GRIN2B: variants seen among roughly 807,000 people sequenced by gnomAD.
GRIN2B encodes glutamate ionotropic receptor NMDA type subunit 2B, also known as glutamate receptor ionotropic, NMDA 2B.
A neutral mutation model predicts 114.5 loss-of-function variants in GRIN2B; 5 were observed. That is an observed-to-expected ratio of 0.04 (90% CI 0.02 to 0.09). The LOEUF (loss-of-function observed/expected upper bound fraction) is 0.09, where lower values mean the gene tolerates loss of function less well. GRIN2B is among the 10% of genes least tolerant of loss of function. GRIN2B has a pLI of 1.00. For synonymous variants in GRIN2B, 787 were observed against 745.1 expected, an observed-to-expected ratio of 1.06 and a Z score of -0.92; for missense variants, 1,108 against 1,943.5, an observed-to-expected ratio of 0.57 and a Z score of 8.08.
At chr12:13,910,235 C>T (rs774308430) in intron 2 of GRIN2B, among the ~76,000 whole-genome samples, 15 of 152,136 alleles carry the variant, frequency 9.9e-5, no homozygotes, top group South Asian at 2.1e-4. Context: ...ATGTTGTGTG[C>T]GCCCTCCCTC....
At chr12:13,648,040 C>T (rs560706745) in intron 5 of GRIN2B, among the ~76,000 whole-genome samples, 5 of 152,038 alleles carry the variant, frequency 3.3e-5, no homozygotes, top group African/African-American at 1.2e-4. Context: ...CTTGGCTGGG[C>T]CTGTCTGCTG....
chr12:13,867,947 G>A, intron 2 of GRIN2B, among the ~76,000 whole-genome samples: 1 of 151,982 alleles, frequency 6.6e-6, no homozygotes, highest in South Asian at 2.1e-4. Flanking sequence ...TGAGAGATTA[G>A]CTAATCATGA....
chr12:13,599,377 C>T (rs1949123009), intron 10 of GRIN2B, among the ~76,000 whole-genome samples: 1 of 152,128 alleles, frequency 6.6e-6, no homozygotes, highest in Admixed American at 6.5e-5. Context: ...AAGGCTGAAA[C>T]ACAAAAGCCC....
At chr12:13,617,943 G>A (rs766744423) in intron 5 of GRIN2B, among the ~76,000 whole-genome samples, 10 of 152,180 alleles carry the variant, frequency 6.6e-5, no homozygotes, top group East Asian at 1.9e-4. Context: ...GCAGGCAGTG[G>A]CTTGGTGGCA....
rs575762343 is a variant in GRIN2B, at chr12:13,703,188, C to T, written c.1011-27329G>A. Among the ~76,000 whole-genome samples the T allele has an allele frequency of 3.3e-5, 5 of 152,204 alleles. No homozygotes were observed. The South Asian group carries it at 1.0e-3, about 32-fold the overall frequency. On this transcript the variant is annotated intron_variant, in intron 4 of 13. Coordinates refer to ENST00000609686, the MANE Select transcript of GRIN2B (RefSeq NM_000834.5). ...AAAAAGATTGTATGCAAGGGTTGGG[C>T]TTTTCTTTAAGTGATTTCACTCCCA...
intron 2 of GRIN2B, among the ~76,000 whole-genome samples, chr12:13,919,714 T>C (rs1388990997): frequency 1.3e-5 from 2 of 152,140 alleles, no homozygotes; most frequent in Non-Finnish European, 1.5e-5. Context: ...TATAAAGCTG[T>C]TGGCCAAGAT....
At chr12:13,897,468 T>C (rs1866372353) in intron 2 of GRIN2B, among the ~76,000 whole-genome samples, 1 of 152,154 alleles carries the variant, frequency 6.6e-6, no homozygotes, top group Admixed American at 6.5e-5. Flanking sequence ...AAATCCTCCA[T>C]ATTTGACAGA....
chr12:13,811,878 T>C (rs1388876117), intron 3 of GRIN2B, among the ~76,000 whole-genome samples: 2 of 152,228 alleles, frequency 1.3e-5, no homozygotes, highest in Non-Finnish European at 2.9e-5. Flanking sequence ...GGGAAATGTA[T>C]GAACATGTAG....
intron 3 of GRIN2B, among the ~76,000 whole-genome samples, chr12:13,779,325 T>C (rs1311770113): frequency 1.3e-5 from 2 of 152,196 alleles, no homozygotes; most frequent in Non-Finnish European, 2.9e-5. Context: ...ATTACAGGTG[T>C]GAGCCACTGT....
At chr12:13,949,648 C>G (rs1306795833) in intron 2 of GRIN2B, among the ~76,000 whole-genome samples, 1 of 152,180 alleles carries the variant, frequency 6.6e-6, no homozygotes, top group African/African-American at 2.4e-5. Flanking sequence ...GTGGACATAG[C>G]ATCGTTAACA....
At chr12:13,624,779 C>A (rs1949551493) in intron 5 of GRIN2B, among the ~76,000 whole-genome samples, 1 of 152,156 alleles carries the variant, frequency 6.6e-6, no homozygotes, top group Admixed American at 6.5e-5. Flanking sequence ...CAGATGCTAT[C>A]CCTGGCTGAG....
rs565404983 is a variant in GRIN2B, at chr12:13,585,123, G to A, written c.2011-13159C>T. On this transcript the variant is annotated intron_variant, in intron 10 of 13. Transcript: ENST00000609686. ...ATAAAATTTTGGAGGAGATAAAGAA[G>A]ATAAAGAAGACTACCAAGATTTCCA... Among the ~76,000 whole-genome samples the A allele has an allele frequency of 3.9e-5, 6 of 152,298 alleles. No individual in the cohort carries two copies. In the East Asian group the frequency reaches 1.2e-3, roughly 29 times the overall value.
At chr12:13,606,893 A>G (rs1467544891) in intron 10 of GRIN2B, among the ~76,000 whole-genome samples, 1 of 152,012 alleles carries the variant, frequency 6.6e-6, no homozygotes, top group Non-Finnish European at 1.5e-5. Context: ...GCTTCCAAAT[A>G]AGAGAGAAAA....
chr12:13,912,942 G>A (rs1417521410), intron 2 of GRIN2B, among the ~76,000 whole-genome samples: 1 of 152,076 alleles, frequency 6.6e-6, no homozygotes, highest in African/African-American at 2.4e-5. Flanking sequence ...GGTCCTACAG[G>A]CTAGAATTGT....
chr12:13,626,804 T>TCCCCCCCCCCCCCCCCCCCCCCCCCCCCC (rs368493995), intron 5 of GRIN2B, among the ~76,000 whole-genome samples: 1 of 17,874 alleles, frequency 5.6e-5, no homozygotes, highest in African/African-American at 1.4e-4. Flanking sequence ...TGACTCACTC[T>TCCCCCCCCCCCCCCCCCCCCCCCCCCCCC]CCCCCCCTCC....
intron 5 of GRIN2B, among the ~76,000 whole-genome samples, chr12:13,646,084 C>T (rs1440608987): frequency 6.6e-6 from 1 of 152,144 alleles, no homozygotes; most frequent in Non-Finnish European, 1.5e-5. Context: ...TAGTCTACAA[C>T]AGCTGCTACC....
intron 3 of GRIN2B, among the ~76,000 whole-genome samples, chr12:13,831,827 T>C (rs1865153470): frequency 6.6e-6 from 1 of 152,202 alleles, no homozygotes. Context: ...ATGTGACTGT[T>C]CTTAAGAGAA....
intron 2 of GRIN2B, among the ~76,000 whole-genome samples, chr12:13,972,465 G>T (rs930684999): frequency 1.7e-4 from 26 of 151,754 alleles, no homozygotes. Flanking sequence ...TATCATATAG[G>T]CAGCTACTGG....
intron 2 of GRIN2B, among the ~76,000 whole-genome samples, chr12:13,962,164 A>G (rs1240261189): frequency 1.3e-5 from 2 of 149,514 alleles, no homozygotes; most frequent in African/African-American, 4.9e-5. Flanking sequence ...GGCAGGGAGC[A>G]TGGCTTTGCT....
Sources: gnomAD v4.1 joint callset for allele counts (sites outside exome capture counted in the v4.1 genomes callset) on GRCh38, gnomAD v4.1.1 for gene constraint, MANE v1.5 for transcripts, NCBI Gene and HGNC (gene_info 2026-07-23, HGNC 2026-07-21) for gene names.